Variants in FRMD1 observed in about 807,000 individuals in gnomAD.
FRMD1 encodes the protein FERM domain containing 1, also known as FERM domain-containing protein 1.
A neutral mutation model predicts 54.9 loss-of-function variants in FRMD1; 51 were observed. That is an observed-to-expected ratio of 0.93 (90% CI 0.74 to 1.17). The LOEUF (loss-of-function observed/expected upper bound fraction) is 1.17, where lower values mean the gene tolerates loss of function less well. Among genes scored for constraint, FRMD1 ranks in the 50% most tolerant of loss-of-function variants. The probability of loss-of-function intolerance (pLI) is 0.00; values close to 1 mark genes in which losing one functional copy is unlikely to be tolerated. For synonymous variants in FRMD1, 324 were observed against 306.4 expected, an observed-to-expected ratio of 1.06 and a Z score of -0.60; for missense variants, 729 against 743.0, an observed-to-expected ratio of 0.98 and a Z score of 0.22.
At chr6:168,089,708 G>T (rs1283456011) in intron 1 of FRMD1, among the ~76,000 whole-genome samples, 1 of 152,214 alleles carries the variant, frequency 6.6e-6, no homozygotes, top group Non-Finnish European at 1.5e-5. Flanking sequence ...GCCGCCCAGC[G>T]GGGAGCGGAA....
Position 168,056,884 on chromosome 6 carries a change from T to C in FRMD1, c.*213A>G. 2.2e-6 allele frequency: 1 copy of C among 463,164 alleles called. No homozygotes were observed. Among genetic ancestry groups the C allele is most frequent in the East Asian group, 3.7e-5 (1 of 27,298 alleles). 28.7% of individuals were successfully genotyped at this position (463,164 alleles called of 1,614,324 possible). On this transcript the variant is annotated 3_prime_UTR_variant, in exon 11 of 11. Coordinates refer to ENST00000283309, the MANE Select transcript of FRMD1 (RefSeq NM_024919.6). The stretch of plus-strand genomic sequence containing the variant: ...CTGAGGGAAAGAGCTCCCGGGTGTA[T>C]GGCAGACAGGCATGAGGTGCGGGAC...
chr6:168,080,991 A>T (rs1800813565), upstream of FRMD1, among the ~76,000 whole-genome samples: 1 of 152,152 alleles, frequency 6.6e-6, no homozygotes, highest in Admixed American at 6.5e-5. Flanking sequence ...CCACATTTGT[A>T]TTGATAAACA....
intron 2 of FRMD1, among the ~76,000 whole-genome samples, chr6:168,069,267 G>A (rs1800184830): frequency 6.6e-6 from 1 of 152,214 alleles, no homozygotes; most frequent in East Asian, 1.9e-4. Flanking sequence ...CCAAACCCCA[G>A]CACCCACTCG....
intron 10 of FRMD1, among the ~76,000 whole-genome samples, chr6:168,058,561 G>C (rs1238120896): frequency 6.6e-6 from 1 of 152,054 alleles, no homozygotes; most frequent in Non-Finnish European, 1.5e-5. Context: ...CCGGGGGCGG[G>C]GGTTGGGGGG....
In FRMD1 at chr6:168,087,666, G is replaced by C. The variant is rs1293712646; in HGVS notation, c.-11-8642C>G. Among the ~76,000 whole-genome samples, 4 of 152,248 alleles carry C rather than the reference G, an allele frequency of 2.6e-5. No homozygotes were observed. In the East Asian group the frequency reaches 7.7e-4, roughly 29 times the overall value. On this transcript the variant is annotated intron_variant, in intron 1 of 12. Transcript: ENST00000644440. The stretch of plus-strand genomic sequence containing the variant: ...GCATGTGAGATGCACGGGCTGGCGT[G>C]TGGAGCATGTGAGATGTGAGGACAT...
intron 1 of FRMD1, among the ~76,000 whole-genome samples, chr6:168,090,467 T>A (rs965200620): frequency 6.6e-6 from 1 of 152,158 alleles, no homozygotes; most frequent in African/African-American, 2.4e-5. Flanking sequence ...CCTTTGCACA[T>A]GCTGTCTGAG....
At chr6:168,063,798 C>G (rs1583177884) in intron 5 of FRMD1, 42 bp from the exon 6 acceptor site, 1 of 1,561,272 alleles carries the variant, frequency 6.4e-7, no homozygotes, top group East Asian at 2.4e-5. Context: ...CCCTGCTGGT[C>G]CCCCCTTCCT....
At chr6:168,078,778 AC>A in intron 1 of FRMD1, 103 bp downstream of exon 1, 1 of 71,520 alleles carries the variant, frequency 1.4e-5, no homozygotes, top group Non-Finnish European at 2.1e-5. Flanking sequence ...GGCCCTGCTC[AC>A]CCCCACGGCC....
chr6:168,090,852 T>C (rs1475494633), intron 1 of FRMD1, among the ~76,000 whole-genome samples: 1 of 152,222 alleles, frequency 6.6e-6, no homozygotes, highest in African/African-American at 2.4e-5. Flanking sequence ...GGGGCTACTC[T>C]GTCCATTTTA....
intron 4 of FRMD1, 125 bp downstream of exon 4, chr6:168,066,630 T>A: frequency 7.0e-7 from 1 of 1,431,306 alleles, no homozygotes; most frequent in Non-Finnish European, 9.2e-7. Context: ...TATAGTGGGG[T>A]TGTTTGTTTG....
At chr6:168,065,397 T>C in intron 4 of FRMD1, 5 of 1,063,808 alleles carry the variant, frequency 4.7e-6, no homozygotes, top group Non-Finnish European at 5.7e-6. Context: ...CTCGAATCCC[T>C]GGAGGTGCAC....
At chr6:168,075,801 G>C (rs1482953158) in intron 1 of FRMD1, 9 of 1,549,988 alleles carry the variant, frequency 5.8e-6, no homozygotes, top group East Asian at 2.4e-5. Context: ...AGCCTCTCAC[G>C]GCAGCCTCTA....
chr6:168,065,512 A>G (rs9295040), intron 4 of FRMD1: 904,906 of 989,106 alleles, frequency 0.91, 413,909 homozygotes, highest in South Asian at 0.93. Context: ...ATCACAGGCC[A>G]GGTGGAGGCT....
intron 1 of FRMD1, among the ~76,000 whole-genome samples, chr6:168,087,301 T>C (rs1302816820): frequency 6.6e-6 from 1 of 152,146 alleles, no homozygotes; most frequent in Non-Finnish European, 1.5e-5. Flanking sequence ...CCTCCTGACC[T>C]CAAATGATCT....
At position 168,063,739 on chromosome 6, in the gene FRMD1, C is replaced by A. The variant is rs1261691979; in HGVS notation, c.666G>T (p.Gly222=). The change falls in exon 6 of 11, where the codon GGG becomes GGT. Residue 222 remains glycine, a synonymous_variant. Coordinates refer to ENST00000283309, the MANE Select transcript of FRMD1 (RefSeq NM_024919.6). ...YFPQWIITKR[G]IDYILRHMPT... is the part of the protein sequence containing the mutation. The stretch of plus-strand genomic sequence containing the variant: ...GCATGTGCCGGAGGATGTAGTCAAT[C>A]CCCCTCTTGGTGATGATCTGAGGAC... The A allele has an allele frequency of 3.1e-6, 5 of 1,612,960 alleles. No individual in the cohort carries two copies. The Admixed American group carries it at 5.0e-5, about 16-fold the overall frequency.
intron 1 of FRMD1, among the ~76,000 whole-genome samples, chr6:168,086,878 T>G (rs890563728): frequency 6.6e-6 from 1 of 152,238 alleles, no homozygotes; most frequent in Non-Finnish European, 1.5e-5. Flanking sequence ...GGGCACCTGT[T>G]AGCCAGGACC....
In FRMD1 at chr6:168,055,994, A is replaced by T. The variant is rs1799384998; in HGVS notation, c.*1103T>A. ...TGGAGGGTGGTGTGGCGTGGTCTTC[A>T]CCACACACAGACAGTGAAGGGGGCA... On this transcript the variant is annotated 3_prime_UTR_variant, in exon 11 of 11. Transcript: ENST00000283309. The T allele has an allele frequency of 6.6e-6, 1 of 152,338 alleles. No individual in the cohort carries two copies. Among genetic ancestry groups the T allele is most frequent in the Non-Finnish European group, 1.5e-5 (1 of 68,130 alleles). The allele number at this position is 152,338 out of a possible 1,614,324, so 9.4% of individuals were successfully genotyped here. A position where few individuals can be genotyped will look rare whatever the true frequency, so the allele number is the denominator to read the frequency against.
intron 4 of FRMD1, 51 bp from the exon 5 acceptor site, chr6:168,065,108 G>A: frequency 6.5e-7 from 1 of 1,544,934 alleles, no homozygotes; most frequent in Non-Finnish European, 8.7e-7. Flanking sequence ...GGGGACTGCT[G>A]GCCCCTCTGG....
At chr6:168,087,990 C>A (rs1351496527) in intron 1 of FRMD1, among the ~76,000 whole-genome samples, 2 of 152,190 alleles carry the variant, frequency 1.3e-5, no homozygotes, top group Non-Finnish European at 2.9e-5. Flanking sequence ...GAGGGCGGGG[C>A]TCTGTGTGTG....
Sources: gnomAD v4.1 joint callset for allele counts (sites outside exome capture counted in the v4.1 genomes callset) on GRCh38, gnomAD v4.1.1 for gene constraint, MANE v1.5 for transcripts, NCBI Gene and HGNC (gene_info 2026-07-23, HGNC 2026-07-21) for gene names.